Variants in RPS6KA5 observed in about 807,000 individuals in gnomAD.
RPS6KA5 encodes ribosomal protein S6 kinase alpha-5.
RPS6KA5 carries 27 observed loss-of-function variants against 85.5 expected under a neutral mutation model. The ratio of observed to expected loss-of-function variants is 0.32; its 90% CI spans 0.23 to 0.44. The LOEUF is 0.44. RPS6KA5 is among the 20% of genes least tolerant of loss of function. The pLI, the probability that RPS6KA5 is intolerant of heterozygous loss-of-function variation, is 1.00. For synonymous variants in RPS6KA5, 334 were observed against 348.2 expected (o/e 0.96, Z 0.46); for missense variants, 811 against 980.9 (o/e 0.83, Z 2.31).
intron 12 of RPS6KA5, among the ~76,000 whole-genome samples, chr14:90,894,950 G>C (rs2034755937): frequency 6.6e-6 from 1 of 152,134 alleles, no homozygotes; most frequent in Admixed American, 6.5e-5. Flanking sequence ...CCGATGAGCT[G>C]GGGCTATAGG....
intron 1 of RPS6KA5, among the ~76,000 whole-genome samples, chr14:91,012,253 C>T (rs1027378581): frequency 2.0e-5 from 3 of 152,202 alleles, no homozygotes; most frequent in Non-Finnish European, 4.4e-5. Context: ...TCCGTTCCAA[C>T]ACTTTTGGTA....
intron 1 of RPS6KA5, among the ~76,000 whole-genome samples, chr14:91,040,956 G>C (rs1368643333): frequency 6.6e-6 from 1 of 152,232 alleles, no homozygotes; most frequent in Non-Finnish European, 1.5e-5. Context: ...AGCAGATCCA[G>C]TGAATGGGGC....
At chr14:91,016,640 A>T (rs1368730361) in intron 1 of RPS6KA5, among the ~76,000 whole-genome samples, 1 of 152,118 alleles carries the variant, frequency 6.6e-6, no homozygotes, top group Non-Finnish European at 1.5e-5. Flanking sequence ...CTCCCTCGAT[A>T]AAGTGAGGGA....
chr14:90,924,167 G>C (rs1315812398), intron 5 of RPS6KA5, among the ~76,000 whole-genome samples: 2 of 152,042 alleles, frequency 1.3e-5, no homozygotes, highest in Non-Finnish European at 2.9e-5. Flanking sequence ...ACTGAGAATA[G>C]TAGTAAATAA....
At chr14:90,937,795 A>G (rs1002391409) in intron 5 of RPS6KA5, among the ~76,000 whole-genome samples, 1 of 152,210 alleles carries the variant, frequency 6.6e-6, no homozygotes, top group Non-Finnish European at 1.5e-5. Context: ...TGAGAACAGC[A>G]TGGGAAAAAC....
intron 13 of RPS6KA5, among the ~76,000 whole-genome samples, chr14:90,893,006 G>A (rs2034645398): frequency 6.6e-6 from 1 of 152,130 alleles, no homozygotes; most frequent in Non-Finnish European, 1.5e-5. Context: ...CAGGAAAGGA[G>A]GAATGCAAAT....
chr14:91,059,103 G>A (rs567015141), intron 1 of RPS6KA5, among the ~76,000 whole-genome samples: 34 of 152,230 alleles, frequency 2.2e-4, no homozygotes, highest in African/African-American at 7.7e-4. Flanking sequence ...CGAGGCGGGC[G>A]GATCACTTGA....
chr14:90,988,745 G>A (rs1331444685), intron 2 of RPS6KA5, among the ~76,000 whole-genome samples: 1 of 152,110 alleles, frequency 6.6e-6, no homozygotes, highest in African/African-American at 2.4e-5. Context: ...TCCGGGAGGC[G>A]GAGGTTGCAG....
chr14:90,995,486 ACTGAGCAGTAGCCTTCTCTACCG>A (rs1269901652), intron 2 of RPS6KA5, among the ~76,000 whole-genome samples: 1 of 152,022 alleles, frequency 6.6e-6, no homozygotes, highest in Non-Finnish European at 1.5e-5. Flanking sequence ...TTACTGTTTT[ACTGAGCAGTAGCCTTCTCTACCG>A]CTTGAGTGCC....
chr14:90,996,008 C>T (rs915912771), intron 2 of RPS6KA5, among the ~76,000 whole-genome samples: 3 of 152,034 alleles, frequency 2.0e-5, no homozygotes, highest in African/African-American at 7.2e-5. Context: ...ACTGCTTGAG[C>T]CCAGAAGTTC....
chr14:90,947,628 AT>A, intron 3 of RPS6KA5, 78 bp from the exon 4 acceptor site: 1 of 828,050 alleles, frequency 1.2e-6, no homozygotes, highest in East Asian at 2.6e-5. Context: ...ATCACTTTGG[AT>A]TCACCATAAG....
In RPS6KA5 at chr14:90,869,169, A is replaced by G. The variant is rs1566666073; in HGVS notation, c.*2905T>C. 6.6e-6 allele frequency: 1 copy of G among 152,218 alleles called. No individual in the cohort carries two copies. The highest frequency in any genetic ancestry group is 1.5e-5 in the Non-Finnish European group (1 of 68,136). 9.4% of individuals were successfully genotyped at this position (152,218 alleles called of 1,614,324 possible). A position where few individuals can be genotyped will look rare whatever the true frequency, so the allele number is the denominator to read the frequency against. On this transcript the variant is annotated 3_prime_UTR_variant, in exon 17 of 17. Transcript: ENST00000614987. ...GCGATCCTCCACATGTTGGCCTCCCATGAGCCACCATGCTCAGCTAATTTT... is the reference window on the plus strand; with the variant it reads ...GCGATCCTCCACATGTTGGCCTCCCGTGAGCCACCATGCTCAGCTAATTTT...
intron 2 of RPS6KA5, among the ~76,000 whole-genome samples, chr14:90,993,649 T>C (rs539552932): frequency 6.6e-6 from 1 of 152,358 alleles, no homozygotes; most frequent in Admixed American, 6.5e-5. Context: ...CTAATTGTTG[T>C]TCCTTTATAA....
chr14:90,899,436 C>T lies in RPS6KA5; in HGVS notation c.1380-14G>A, dbSNP rs769484899. The stretch of plus-strand genomic sequence containing the variant: ...TTGGCTTCCATCCTGCAAGATGAGA[C>T]ACTTAGCATCCACATGTCTCTTCAA... On this transcript the variant is annotated splice_polypyrimidine_tract_variant and intron_variant, in intron 11 of 16. Transcript: ENST00000614987. 6 of 1,578,260 alleles carry T rather than the reference C, an allele frequency of 3.8e-6. No homozygotes were observed. The highest frequency in any genetic ancestry group is 1.7e-5 in the Admixed American group (1 of 59,164).
chr14:91,011,654 T>C (rs896928532), intron 1 of RPS6KA5, among the ~76,000 whole-genome samples: 1 of 152,198 alleles, frequency 6.6e-6, no homozygotes, highest in Non-Finnish European at 1.5e-5. Flanking sequence ...CTTGACCAAT[T>C]CCTTTTTTCT....
At chr14:90,938,091 G>C (rs896651305) in intron 5 of RPS6KA5, among the ~76,000 whole-genome samples, 1 of 152,188 alleles carries the variant, frequency 6.6e-6, no homozygotes, top group Non-Finnish European at 1.5e-5. Context: ...GACACAACAG[G>C]AGTACAGGCA....
rs78409439 is a variant in RPS6KA5, at chr14:90,870,805, CTTTTTTTTTTT to C, written c.*1258_*1268del. 2.3e-5 allele frequency: 2 copies of C among 85,852 alleles called. No individual in the cohort carries two copies. Among genetic ancestry groups the C allele is most frequent in the Non-Finnish European group, 4.5e-5 (2 of 44,100 alleles). 5.3% of individuals were successfully genotyped at this position (85,852 alleles called of 1,614,324 possible). A position where few individuals can be genotyped will look rare whatever the true frequency, so the allele number is the denominator to read the frequency against. On this transcript the variant is annotated 3_prime_UTR_variant, in exon 17 of 17. Coordinates refer to ENST00000614987, the MANE Select transcript of RPS6KA5 (RefSeq NM_004755.4). The stretch of plus-strand genomic sequence containing the variant: ...ATATAACACACAAACCCTATCACTT[CTTTTTTTTTTT>C]TTTTTTTTTTTGCATAGGGAACGAA...
chr14:90,965,354 A>G (rs2039006592), intron 3 of RPS6KA5, among the ~76,000 whole-genome samples: 1 of 152,192 alleles, frequency 6.6e-6, no homozygotes, highest in Non-Finnish European at 1.5e-5. Flanking sequence ...AGCCTGAGCG[A>G]CAGAGCGAGA....
In RPS6KA5 at chr14:90,849,802, C is replaced by T. The variant is rs1018020505; in HGVS notation, c.*22272G>A. The T allele has an allele frequency of 2.6e-5, 4 of 152,192 alleles. No homozygotes were observed. The highest frequency in any genetic ancestry group is 9.7e-5 in the African/African-American group (4 of 41,444). The allele number at this position is 152,192 out of a possible 1,614,324, so 9.4% of individuals were successfully genotyped here. A position where few individuals can be genotyped will look rare whatever the true frequency, so the allele number is the denominator to read the frequency against. On this transcript the variant is annotated 3_prime_UTR_variant, in exon 17 of 17. Transcript: ENST00000614987. ...TTCCCAAAGATGGAACAAAGGGTGA[C>T]GTTACCCGTTGATGCTAGATGATGT...
Sources: gnomAD v4.1 joint callset for allele counts (sites outside exome capture counted in the v4.1 genomes callset) on GRCh38, gnomAD v4.1.1 for gene constraint, MANE v1.5 for transcripts, NCBI Gene and HGNC (gene_info 2026-07-23, HGNC 2026-07-21) for gene names.